GPC6: variants seen among roughly 807,000 people sequenced by gnomAD.
GPC6 encodes the protein glypican-6.
GPC6 carries 14 observed loss-of-function variants against 55.2 expected under a neutral mutation model. The ratio of observed to expected loss-of-function variants is 0.25; its 90% CI spans 0.17 to 0.40. GPC6 has a LOEUF of 0.40. GPC6 is among the 10% of genes least tolerant of loss of function. The probability of loss-of-function intolerance (pLI) is 1.00; values close to 1 mark genes in which losing one functional copy is unlikely to be tolerated. For synonymous variants in GPC6, 278 were observed against 259.6 expected, an observed-to-expected ratio of 1.07 and a Z score of -0.68; for missense variants, 641 against 708.5, an observed-to-expected ratio of 0.90 and a Z score of 1.08.
chr13:93,549,293 A>G (rs982526162), intron 2 of GPC6, among the ~76,000 whole-genome samples: 13 of 152,104 alleles, frequency 8.5e-5, no homozygotes, highest in Non-Finnish European at 1.0e-4. Context: ...ATCTTTGTGT[A>G]CTCACTCATT....
At chr13:94,156,989 A>T (rs1887970974) in intron 4 of GPC6, among the ~76,000 whole-genome samples, 1 of 152,172 alleles carries the variant, frequency 6.6e-6, no homozygotes. Context: ...ACCTATCCTG[A>T]TTACCCACTA....
At chr13:93,558,934 G>C (rs981567255) in intron 2 of GPC6, among the ~76,000 whole-genome samples, 12 of 152,130 alleles carry the variant, frequency 7.9e-5, no homozygotes, top group Non-Finnish European at 1.5e-4. Context: ...CTATCACTGA[G>C]TTAGGTTTTT....
intron 6 of GPC6, among the ~76,000 whole-genome samples, chr13:94,361,630 G>A (rs1446953189): frequency 6.6e-6 from 1 of 152,230 alleles, no homozygotes; most frequent in Non-Finnish European, 1.5e-5. Context: ...AAGTCCTTTT[G>A]TGGACAGGCC....
intron 1 of GPC6, among the ~76,000 whole-genome samples, chr13:93,365,859 C>T (rs560172010): frequency 2.4e-4 from 37 of 152,132 alleles, no homozygotes; most frequent in African/African-American, 8.9e-4. Flanking sequence ...TTCTCTGATT[C>T]CTTCAGTTCC....
chr13:93,236,554 G>A (rs969098448), intron 1 of GPC6, among the ~76,000 whole-genome samples: 7 of 152,150 alleles, frequency 4.6e-5, no homozygotes, highest in African/African-American at 7.2e-5. Flanking sequence ...CGAATCAGCA[G>A]CGGCATTAGC....
chr13:93,607,598 G>A (rs1878291451), intron 2 of GPC6, among the ~76,000 whole-genome samples: 1 of 152,146 alleles, frequency 6.6e-6, no homozygotes, highest in South Asian at 2.1e-4. Flanking sequence ...TACCCTGGGG[G>A]GAGACATGGC....
chr13:94,054,322 G>GC (rs1393767881), intron 4 of GPC6, among the ~76,000 whole-genome samples: 1 of 152,164 alleles, frequency 6.6e-6, no homozygotes, highest in Non-Finnish European at 1.5e-5. Flanking sequence ...CAGCCTCTGT[G>GC]CCAGCAGAGC....
intron 4 of GPC6, among the ~76,000 whole-genome samples, chr13:94,065,185 G>A (rs998374497): frequency 5.3e-5 from 8 of 151,826 alleles, no homozygotes; most frequent in African/African-American, 1.9e-4. Context: ...CATATGCTTT[G>A]CCTGTTAATC....
intron 4 of GPC6, among the ~76,000 whole-genome samples, chr13:94,202,236 A>G (rs1160984917): frequency 6.6e-6 from 1 of 152,256 alleles, no homozygotes. Context: ...CAAGAACTAA[A>G]TGAAATCATA....
At chr13:93,777,018 A>C (rs1165433373) in intron 2 of GPC6, among the ~76,000 whole-genome samples, 1 of 152,194 alleles carries the variant, frequency 6.6e-6, no homozygotes, top group Admixed American at 6.6e-5. Flanking sequence ...ATAATAAAGG[A>C]TGGAACTTAA....
chr13:94,235,188 C>G (rs1314134388), intron 4 of GPC6, among the ~76,000 whole-genome samples: 3 of 152,074 alleles, frequency 2.0e-5, no homozygotes, highest in African/African-American at 7.2e-5. Context: ...CAATGTTGAA[C>G]TGGAGATCAA....
intron 1 of GPC6, among the ~76,000 whole-genome samples, chr13:93,248,633 G>C (rs1876685688): frequency 6.6e-6 from 1 of 152,066 alleles, no homozygotes; most frequent in Non-Finnish European, 1.5e-5. Flanking sequence ...AAGCCTGAAG[G>C]TTCCTGGAAG....
chr13:93,348,899 A>AT (rs916752214), intron 1 of GPC6, among the ~76,000 whole-genome samples: 1 of 151,984 alleles, frequency 6.6e-6, no homozygotes, highest in African/African-American at 2.4e-5. Context: ...AACATGGGAT[A>AT]TTTTTTTCCC....
chr13:94,205,071 G>A (rs184124130), intron 4 of GPC6, among the ~76,000 whole-genome samples: 19 of 152,332 alleles, frequency 1.2e-4, no homozygotes, highest in Admixed American at 3.9e-4. Context: ...GAAGACATAT[G>A]TAATGTGATA....
chr13:93,890,251 C>T (rs1216053831), intron 3 of GPC6, among the ~76,000 whole-genome samples: 1 of 152,076 alleles, frequency 6.6e-6, no homozygotes, highest in African/African-American at 2.4e-5. Context: ...GGATGCTTTA[C>T]ACATCTTCTT....
chr13:93,366,622 A>C (rs1403244911), intron 1 of GPC6, among the ~76,000 whole-genome samples: 1 of 152,094 alleles, frequency 6.6e-6, no homozygotes, highest in Non-Finnish European at 1.5e-5. Flanking sequence ...TATTTTTGAT[A>C]AGTCTTGCAA....
chr13:93,982,406 T>C (rs1487976057), intron 3 of GPC6, among the ~76,000 whole-genome samples: 1 of 152,118 alleles, frequency 6.6e-6, no homozygotes, highest in Non-Finnish European at 1.5e-5. Context: ...AACTTGCCCA[T>C]TTGCTGTTTG....
chr13:93,485,807 T>G (rs76646845), intron 1 of GPC6, among the ~76,000 whole-genome samples: 5 of 152,184 alleles, frequency 3.3e-5, no homozygotes, highest in Non-Finnish European at 7.3e-5. Flanking sequence ...TTGAGATTTT[T>G]GCAGTTCTTC....
intron 4 of GPC6, among the ~76,000 whole-genome samples, chr13:94,092,295 TC>T (rs774353790): frequency 6.6e-6 from 1 of 152,016 alleles, no homozygotes; most frequent in Non-Finnish European, 1.5e-5. Context: ...CTCCCCATTT[TC>T]CCCACCCACT....
Sources: gnomAD v4.1 joint callset for allele counts (sites outside exome capture counted in the v4.1 genomes callset) on GRCh38, gnomAD v4.1.1 for gene constraint, MANE v1.5 for transcripts, NCBI Gene and HGNC (gene_info 2026-07-23, HGNC 2026-07-21) for gene names.